Variants in RNF135 observed in about 807,000 individuals in gnomAD.
RNF135 encodes the protein E3 ubiquitin-protein ligase RNF135.
In RNF135, 46 loss-of-function variants were observed where a neutral mutation model predicts 41.9. The ratio of observed to expected loss-of-function variants is 1.10; its 90% confidence interval spans 0.87 to 1.40. RNF135 has a LOEUF of 1.40. Among genes scored for constraint, RNF135 ranks in the 40% most tolerant of loss-of-function variants. The probability of loss-of-function intolerance (pLI) is 0.00; values close to 1 mark genes in which losing one functional copy is unlikely to be tolerated. For synonymous variants in RNF135, 238 were observed against 223.8 expected, an observed-to-expected ratio of 1.06 and a Z score of -0.57; for missense variants, 539 against 549.8, an observed-to-expected ratio of 0.98 and a Z score of 0.20.
Position 30,997,079 on chromosome 17 carries a change from T to A in RNF135, c.680-163T>A, listed in dbSNP as rs553341163. Among the ~76,000 whole-genome samples the A allele has an allele frequency of 3.9e-5, 6 of 152,306 alleles. No homozygotes were observed. In the East Asian group the frequency reaches 1.2e-3, roughly 29 times the overall value. ...GTGAGAACATGGAGGTGCACATACC[T>A]GGGCTGCAGGCACACTGCCTCTGCC... On this transcript the variant is annotated intron_variant, in intron 3 of 4. Coordinates refer to ENST00000328381, the MANE Select transcript of RNF135 (RefSeq NM_032322.4).
intron 2 of RNF135, 48 bp from the exon 3 acceptor site, chr17:30,987,896 C>A: frequency 6.6e-7 from 1 of 1,504,816 alleles, no homozygotes; most frequent in Non-Finnish European, 9.2e-7. Context: ...AGTTGATAGA[C>A]TGCATAGGGG....
intron 1 of RNF135, among the ~76,000 whole-genome samples, chr17:30,974,029 C>T (rs1410988940): frequency 2.0e-5 from 3 of 152,020 alleles, no homozygotes; most frequent in Non-Finnish European, 4.4e-5. Context: ...AGAGATGAAA[C>T]CCCATCTCTA....
chr17:30,999,655 G>A lies in RNF135; in HGVS notation c.*464G>A, dbSNP rs1195147426. ...AGACTAAGTTAGCCATGTGGGCAGT[G>A]AAGCATGCCAATGTGATCAATCCCT... is the stretch of plus-strand genomic sequence containing the variant. On this transcript the variant is annotated 3_prime_UTR_variant, in exon 5 of 5. Coordinates refer to ENST00000328381, the MANE Select transcript of RNF135 (RefSeq NM_032322.4). The A allele has an allele frequency of 1.1e-5, 2 of 185,284 alleles. No homozygotes were observed. The highest frequency in any genetic ancestry group is 2.3e-5 in the Non-Finnish European group (2 of 86,176). The allele number at this position is 185,284 out of a possible 1,614,324, so 11.5% of individuals were successfully genotyped here.
chr17:30,966,434 GTATT>G (rs1215154167), upstream of RNF135, among the ~76,000 whole-genome samples: 1 of 135,266 alleles, frequency 7.4e-6, no homozygotes, highest in Non-Finnish European at 1.7e-5. Context: ...TTATTTTTAT[GTATT>G]TATTTATTTA....
At chr17:30,971,639 T>G in intron 1 of RNF135, 194 bp downstream of exon 1, 1 of 1,350,000 alleles carries the variant, frequency 7.4e-7, no homozygotes, top group Non-Finnish European at 9.5e-7. Context: ...AAAAAACAAA[T>G]TCCCCATCTT....
chr17:30,964,687 CT>C, the RNF135 span, among the ~76,000 whole-genome samples: 709 of 138,256 alleles, frequency 5.1e-3, 2 homozygotes, highest in Middle Eastern at 0.011. Context: ...CATTTCTTAT[CT>C]TTTTTTTTTT....
intron 3 of RNF135, among the ~76,000 whole-genome samples, chr17:30,995,758 C>A (rs1908311570): frequency 1.4e-5 from 2 of 146,082 alleles, no homozygotes; most frequent in Admixed American, 6.9e-5. Context: ...GAATTTGTTA[C>A]TTTTTTTTTT....
At chr17:30,974,935 C>T (rs1290538955) in intron 1 of RNF135, among the ~76,000 whole-genome samples, 1 of 152,004 alleles carries the variant, frequency 6.6e-6, no homozygotes, top group East Asian at 1.9e-4. Context: ...GCCTCGGCCT[C>T]CCAAAGTGCT....
upstream of RNF135, among the ~76,000 whole-genome samples, chr17:30,968,407 A>T (rs1905644008): frequency 2.0e-5 from 3 of 147,764 alleles, no homozygotes; most frequent in Admixed American, 2.0e-4. Flanking sequence ...TTCTTTTGAG[A>T]CAGAGTCTTG....
intron 1 of RNF135, among the ~76,000 whole-genome samples, chr17:30,981,477 G>A (rs1182517737): frequency 1.3e-5 from 2 of 152,162 alleles, no homozygotes. Flanking sequence ...GAATGTCTCC[G>A]AGTTTTCTTA....
intron 3 of RNF135, among the ~76,000 whole-genome samples, chr17:30,990,822 T>G (rs1907935171): frequency 6.6e-6 from 1 of 152,242 alleles, no homozygotes; most frequent in Admixed American, 6.5e-5. Context: ...CTTGCTTTTG[T>G]TAGTACCTAG....
intron 3 of RNF135, among the ~76,000 whole-genome samples, chr17:30,994,969 G>A (rs1908241540): frequency 6.7e-6 from 1 of 149,866 alleles, no homozygotes; most frequent in Admixed American, 6.6e-5. Flanking sequence ...TTAGGATCAG[G>A]TCTTACTTTG....
intron 1 of RNF135, chr17:30,972,181 C>G (rs1316132387): frequency 6.6e-6 from 1 of 152,128 alleles, no homozygotes; most frequent in Non-Finnish European, 1.5e-5. Flanking sequence ...ACTGCAAGCT[C>G]CGCCTCCCGG....
chr17:30,971,456 C>G lies in RNF135; in HGVS notation c.372+11C>G, dbSNP rs1267366581. The G allele has an allele frequency of 3.4e-6, 5 of 1,491,806 alleles. No homozygotes were observed. In the South Asian group the frequency reaches 3.8e-5, roughly 11 times the overall value. 92.4% of individuals were successfully genotyped at this position (1,491,806 alleles called of 1,614,324 possible). A position where few individuals can be genotyped will look rare whatever the true frequency, so the allele number is the denominator to read the frequency against. ...CCGGAACTGCAGCGGGTAGGGAGGC[C>G]GGGCCCGCAGCTCCCCTGGCTCCCC... On this transcript the variant is annotated intron_variant, in intron 1 of 4. Transcript: ENST00000328381.
upstream of RNF135, among the ~76,000 whole-genome samples, chr17:30,966,320 CTTT>C (rs1394280200): frequency 1.4e-5 from 2 of 147,224 alleles, no homozygotes; most frequent in Non-Finnish European, 3.0e-5. Flanking sequence ...GTGAATACTT[CTTT>C]TTTTATTTGA....
At position 30,998,899 on chromosome 17, in the gene RNF135, G is replaced by T; in HGVS notation, c.1007G>T (p.Arg336Leu). 1.2e-6 allele frequency: 2 copies of T among 1,611,640 alleles called. No individual in the cohort carries two copies. The highest frequency in any genetic ancestry group is 1.7e-6 in the Non-Finnish European group (2 of 1,178,316). The change falls in exon 5 of 5, where the codon CGC becomes CTC. Residue 336 changes from arginine to leucine, a missense_variant. By Grantham distance (102) the Arg-to-Leu change is moderately radical. Transcript: ENST00000328381. ...AVGVASWEMS[R>L]DQVLGRTMDS... ...GGGGTGGCTTCCTGGGAGATGAGCC[G>T]CGACCAGGTCCTGGGAAGGACTATG...
chr17:30,980,438 T>C (rs1316844516), intron 1 of RNF135, among the ~76,000 whole-genome samples: 1 of 90,136 alleles, frequency 1.1e-5, no homozygotes, highest in African/African-American at 4.3e-5. Context: ...CACTTCCCAG[T>C]AGGGGCGGCC....
the RNF135 span, among the ~76,000 whole-genome samples, chr17:30,960,409 A>G: frequency 6.6e-6 from 1 of 150,796 alleles, no homozygotes; most frequent in Non-Finnish European, 1.5e-5. Context: ...AAAAAGAAAA[A>G]GAAAAAAAAA....
Position 30,999,604 on chromosome 17 carries a change from C to G in RNF135, c.*413C>G, listed in dbSNP as rs554431293. 6.3e-4 allele frequency: 135 copies of G among 213,524 alleles called. No homozygotes were observed. Among genetic ancestry groups the G allele is most frequent in the Non-Finnish European group, 1.5e-4 (16 of 103,796 alleles). The allele number at this position is 213,524 out of a possible 1,614,324, so 13.2% of individuals were successfully genotyped here. A position where few individuals can be genotyped will look rare whatever the true frequency, so the allele number is the denominator to read the frequency against. ...TGGGCCTTGGGCCATGCAGTATCAGCTTGACCTTGCAAGGTCAAGCTGAGG... is the reference window on the plus strand; with the variant it reads ...TGGGCCTTGGGCCATGCAGTATCAGGTTGACCTTGCAAGGTCAAGCTGAGG... On this transcript the variant is annotated 3_prime_UTR_variant, in exon 5 of 5. Transcript: ENST00000328381.
Sources: allele counts gnomAD v4.1 joint callset (sites outside exome capture counted in the v4.1 genomes callset), GRCh38; gene constraint gnomAD v4.1.1; transcripts MANE v1.5; gene names NCBI Gene and HGNC (gene_info 2026-07-23, HGNC 2026-07-21).